AP1G1: variants seen among roughly 807,000 people sequenced by gnomAD.
AP1G1 encodes the protein adaptor related protein complex 1 subunit gamma 1, also known as AP-1 complex subunit gamma-1.
AP1G1 carries 7 observed loss-of-function variants against 108.3 expected under a neutral mutation model. That is an observed-to-expected ratio of 0.06 (90% CI 0.04 to 0.12). AP1G1 has a LOEUF of 0.12. Among genes scored for constraint, AP1G1 ranks in the 10% least tolerant of loss-of-function variants. The pLI is 1.00. For synonymous variants in AP1G1, 379 were observed against 353.5 expected (o/e 1.07, Z -0.81); for missense variants, 756 against 1,010.7 (o/e 0.75, Z 3.42).
intron 21 of AP1G1, among the ~76,000 whole-genome samples, chr16:71,735,655 CAA>C (rs57116084): frequency 4.1e-5 from 5 of 121,634 alleles, no homozygotes; most frequent in Admixed American, 8.2e-5. Context: ...GACTCCGTCT[CAA>C]AAAAAAAAAA....
At chr16:71,785,755 G>A (rs1029615572) in intron 2 of AP1G1, among the ~76,000 whole-genome samples, 2 of 151,810 alleles carry the variant, frequency 1.3e-5, no homozygotes, top group South Asian at 2.1e-4. Context: ...GGTGGCAGGC[G>A]CCTGTAGTCC....
intron 2 of AP1G1, among the ~76,000 whole-genome samples, chr16:71,785,295 G>C (rs962109893): frequency 5.3e-5 from 8 of 152,124 alleles, no homozygotes; most frequent in Non-Finnish European, 1.2e-4. Context: ...CCAATAACTA[G>C]GCTGGGTGTG....
chr16:71,741,323 C>T (rs2045618068), intron 19 of AP1G1, among the ~76,000 whole-genome samples: 1 of 152,176 alleles, frequency 6.6e-6, no homozygotes, highest in Non-Finnish European at 1.5e-5. Context: ...TGGCTCATGC[C>T]TGTAATCCCA....
intron 2 of AP1G1, among the ~76,000 whole-genome samples, chr16:71,788,097 C>A (rs1164489543): frequency 2.0e-5 from 3 of 152,110 alleles, no homozygotes; most frequent in Non-Finnish European, 4.4e-5. Context: ...CCAAGATGAC[C>A]ATAAAACCCA....
chr16:71,752,152 C>A (rs2030541450), intron 13 of AP1G1, among the ~76,000 whole-genome samples: 1 of 151,946 alleles, frequency 6.6e-6, no homozygotes, highest in Non-Finnish European at 1.5e-5. Flanking sequence ...CATAAGAGAA[C>A]ACAAGTCAGT....
Position 71,771,163 on chromosome 16 carries a change from C to T in AP1G1, c.558G>A (p.Lys186=). 1 of 1,591,158 alleles carries T rather than the reference C, an allele frequency of 6.3e-7. No individual in the cohort carries two copies. The highest frequency in any genetic ancestry group is 2.2e-5 in the East Asian group (1 of 44,748). The change falls in exon 5 of 23, where the codon AAG becomes AAA. Residue 186 remains lysine (K), a synonymous_variant. Transcript: ENST00000299980. ...LPATKNLLNE[K]NHGVLHTSVV... Reference sequence around the variant, plus strand: ...ACATCCAAATTACATTACCATGGTTCTTCTCATTCAATAAATTTTTTGTTG... The same window carrying T: ...ACATCCAAATTACATTACCATGGTTTTTCTCATTCAATAAATTTTTTGTTG...
intron 6 of AP1G1, among the ~76,000 whole-genome samples, chr16:71,768,962 C>A: frequency 3.8e-5 from 2 of 52,304 alleles, no homozygotes; most frequent in South Asian, 1.5e-3. Flanking sequence ...AAATTCCTGC[C>A]TTTAAAAAAA....
At chr16:71,765,969 A>G (rs1597060233) in intron 6 of AP1G1, among the ~76,000 whole-genome samples, 1 of 152,206 alleles carries the variant, frequency 6.6e-6, no homozygotes, top group African/African-American at 2.4e-5. Context: ...CACCCATTCA[A>G]ACATTTGCAT....
At chr16:71,752,457 TAA>T (rs1299683058) in intron 13 of AP1G1, among the ~76,000 whole-genome samples, 2 of 152,192 alleles carry the variant, frequency 1.3e-5, no homozygotes, top group African/African-American at 4.8e-5. Context: ...CATAATTTCA[TAA>T]GTCAACAAAT....
chr16:71,779,995 GT>G (rs573581952), intron 2 of AP1G1, among the ~76,000 whole-genome samples: 762 of 129,592 alleles, frequency 5.9e-3, no homozygotes, highest in Middle Eastern at 0.016. Flanking sequence ...GTTTTTTTTT[GT>G]TTTTTTTTTT....
chr16:71,799,986 C>T (rs930304674), intron 1 of AP1G1, among the ~76,000 whole-genome samples: 2 of 151,560 alleles, frequency 1.3e-5, no homozygotes, highest in Admixed American at 6.6e-5. Context: ...TTTGGGAGGC[C>T]GATGCAGGCA....
chr16:71,799,517 C>T (rs898452687), intron 1 of AP1G1, among the ~76,000 whole-genome samples: 3 of 152,142 alleles, frequency 2.0e-5, no homozygotes, highest in Non-Finnish European at 4.4e-5. Flanking sequence ...CCTGTAATCT[C>T]AGCACTTTGG....
At chr16:71,802,550 T>C (rs888251139) in intron 1 of AP1G1, among the ~76,000 whole-genome samples, 1 of 151,758 alleles carries the variant, frequency 6.6e-6, no homozygotes, top group Non-Finnish European at 1.5e-5. Flanking sequence ...TCCAACATGG[T>C]GAAACCCCAT....
intron 10 of AP1G1, among the ~76,000 whole-genome samples, chr16:71,761,110 A>T (rs1365722054): frequency 1.3e-5 from 2 of 152,082 alleles, no homozygotes; most frequent in Non-Finnish European, 2.9e-5. Context: ...ACATCAAAAT[A>T]TTTTTTTCAT....
chr16:71,773,081 A>G (rs1224758179), intron 4 of AP1G1, 140 bp downstream of exon 4: 1 of 896,326 alleles, frequency 1.1e-6, no homozygotes, highest in Admixed American at 2.1e-5. Flanking sequence ...TAAGGTTAAT[A>G]TATAATCATG....
intron 16 of AP1G1, 64 bp downstream of exon 16, chr16:71,748,187 T>C (rs1461628676): frequency 6.5e-7 from 1 of 1,549,064 alleles, no homozygotes; most frequent in African/African-American, 1.4e-5. Context: ...ACAAGTTTTT[T>C]GGGATTTTTT....
chr16:71,740,340 C>T (rs1467974767), intron 19 of AP1G1, among the ~76,000 whole-genome samples: 4 of 152,208 alleles, frequency 2.6e-5, no homozygotes, highest in African/African-American at 7.2e-5. Context: ...TCTTCAGACA[C>T]TGCCAACCCC....
At chr16:71,803,500 A>G (rs150330170) in intron 1 of AP1G1, among the ~76,000 whole-genome samples, 2 of 152,188 alleles carry the variant, frequency 1.3e-5, no homozygotes, top group African/African-American at 4.8e-5. Context: ...GACTCAACAC[A>G]TTTGGCAAGT....
chr16:71,780,195 T>C (rs1386850745), intron 2 of AP1G1, among the ~76,000 whole-genome samples: 2 of 151,944 alleles, frequency 1.3e-5, no homozygotes, highest in Non-Finnish European at 1.5e-5. Context: ...GGTTCCGCCA[T>C]GTTGGCCAGG....
Sources: gnomAD v4.1 joint callset for allele counts (sites outside exome capture counted in the v4.1 genomes callset) on GRCh38, gnomAD v4.1.1 for gene constraint, MANE v1.5 for transcripts, NCBI Gene and HGNC (gene_info 2026-07-23, HGNC 2026-07-21) for gene names.